SLC4A3: variants seen among roughly 807,000 people sequenced by gnomAD.
The protein encoded by SLC4A3 is solute carrier family 4 member 3, also known as anion exchange protein 3.
Under a neutral mutation model 114.2 loss-of-function variants are expected in SLC4A3, and 47 were observed. The observed-to-expected ratio is 0.41, with a 90% confidence interval of 0.33 to 0.52. SLC4A3 has a LOEUF of 0.52. Among genes scored for constraint, SLC4A3 ranks in the 20% least tolerant of loss-of-function variants. The pLI is 0.21. For missense variants in SLC4A3, 1,312 were observed against 1,668.3 expected, an observed-to-expected ratio of 0.79 and a Z score of 3.72; for synonymous variants, 693 against 710.3, an observed-to-expected ratio of 0.98 and a Z score of 0.39.
At chr2:219,629,959 G>A (rs1202893204) in intron 5 of SLC4A3, 194 bp from the exon 6 acceptor site, 1 of 1,050,374 alleles carries the variant, frequency 9.5e-7, no homozygotes, top group Non-Finnish European at 1.4e-6. Flanking sequence ...AGAGTAGAGA[G>A]GGTGAGGAGA....
chr2:219,628,303 T>C lies in SLC4A3; in HGVS notation c.52-102T>C, dbSNP rs953895541. ...GGAGCAAGGGGAGGGGGCCCGATGGTGTGAGAGCCTGCTGAGCTCCCCCAA... is the reference window on the plus strand; with the variant it reads ...GGAGCAAGGGGAGGGGGCCCGATGGCGTGAGAGCCTGCTGAGCTCCCCCAA... On this transcript the variant is annotated intron_variant, in intron 2 of 22. Transcript: ENST00000358055. This position sits in a 1 kb window ranked among gnomAD's most constrained non-coding sequence, Gnocchi z 4.8. 16 of 1,251,150 alleles carry C rather than the reference T, an allele frequency of 1.3e-5. No individual in the cohort carries two copies. Among genetic ancestry groups the C allele is most frequent in the Admixed American group, 5.7e-5 (2 of 35,328 alleles). 77.5% of individuals were successfully genotyped at this position (1,251,150 alleles called of 1,614,324 possible).
rs61729101 is a variant in SLC4A3 at position 219,637,644 on chromosome 2, G to C, written c.2599G>C (p.Asp867His). 0.014 allele frequency: 22,380 copies of C among 1,613,182 alleles called. 212 individuals carry two copies. Among genetic ancestry groups the C allele is most frequent in the Non-Finnish European group, 0.017 (19,671 of 1,179,260 alleles). Residue 867 changes from aspartate to histidine, a missense_variant, in exon 17 of 23, where the codon GAT becomes CAT. This residue lies in a region of SLC4A3 where 771 missense variants were observed against 977.7 expected (regional missense o/e 0.79). Coordinates refer to ENST00000358055, the MANE Select transcript of SLC4A3 (RefSeq NM_005070.4). This position sits in a 1 kb window ranked among gnomAD's most constrained non-coding sequence, Gnocchi z 4.6. ...PPEGALEGSL[D>H]AGLEPNGSAL... Reference sequence around the variant, plus strand: ...TGAGGGGGCCCTGGAGGGGTCCCTGGATGCTGGTCTGGAGCCAAATGGCAG... The same window carrying C: ...TGAGGGGGCCCTGGAGGGGTCCCTGCATGCTGGTCTGGAGCCAAATGGCAG...
chr2:219,637,837 C>A lies in SLC4A3; in HGVS notation c.2766+26C>A. On this transcript the variant is annotated intron_variant, in intron 17 of 22. Coordinates refer to ENST00000358055, the MANE Select transcript of SLC4A3 (RefSeq NM_005070.4). This position sits in a 1 kb window ranked among gnomAD's most constrained non-coding sequence, Gnocchi z 4.6. ...GTGCGTGGCTGCTGGGTGTGGAGCC[C>A]CCAAGAGTCCCACAATTCCTGCTGT... 2 of 1,527,884 alleles carry A rather than the reference C, an allele frequency of 1.3e-6. No individual in the cohort carries two copies. The highest frequency in any genetic ancestry group is 1.1e-5 in the South Asian group (1 of 89,338). The allele number at this position is 1,527,884 out of a possible 1,614,324, so 94.6% of individuals were successfully genotyped here. A position where few individuals can be genotyped will look rare whatever the true frequency, so the allele number is the denominator to read the frequency against.
rs1430102200 is a variant in SLC4A3 at position 219,637,202 on chromosome 2, G to A, written c.2535+328G>A. 2.7e-4 allele frequency among the ~76,000 whole-genome samples: 41 copies of A among 151,628 alleles called. No homozygotes were observed. The highest frequency in any genetic ancestry group is 2.7e-3 in the Admixed American group (41 of 15,214). On this transcript the variant is annotated intron_variant, in intron 16 of 22. Coordinates refer to ENST00000358055, the MANE Select transcript of SLC4A3 (RefSeq NM_005070.4). This position sits in a 1 kb window ranked among gnomAD's most constrained non-coding sequence, Gnocchi z 4.6. Reference sequence around the variant, plus strand: ...TCACCTTTTGTAGAGGAGTGTGTGTGTGTGTGTGGGTGTGGGTGTGGTGTG... The same window carrying A: ...TCACCTTTTGTAGAGGAGTGTGTGTATGTGTGTGGGTGTGGGTGTGGTGTG...
In SLC4A3 at chr2:219,630,377, C is replaced by T; in HGVS notation, c.811+25C>T. On this transcript the variant is annotated intron_variant, in intron 6 of 22. Transcript: ENST00000358055. This position sits in a 1 kb window ranked among gnomAD's most constrained non-coding sequence, Gnocchi z 6.9. The stretch of plus-strand genomic sequence containing the variant: ...AGTGAGTGAGACCTTGTGGCAGCCC[C>T]CATGGTCCACTGCGACGGACTCCCA... 6.3e-7 allele frequency: 1 copy of T among 1,576,370 alleles called. No individual in the cohort carries two copies. Among genetic ancestry groups the T allele is most frequent in the Non-Finnish European group, 8.6e-7 (1 of 1,161,368 alleles).
intron 20 of SLC4A3, among the ~76,000 whole-genome samples, chr2:219,640,225 G>GCCCCCCCCC (rs5838745): frequency 9.2e-6 from 1 of 108,264 alleles, no homozygotes; most frequent in Non-Finnish European, 1.9e-5. Flanking sequence ...CAATGTGTCT[G>GCCCCCCCCC]CCCCCCCCCC....
intron 8 of SLC4A3, 61 bp downstream of exon 8, chr2:219,632,503 C>A: frequency 6.7e-7 from 1 of 1,485,186 alleles, no homozygotes; most frequent in South Asian, 1.4e-5. Context: ...CCAGGCTGCT[C>A]AGTTCCCAGG....
Position 219,638,209 on chromosome 2 carries a change from G to A in SLC4A3, c.2812G>A (p.Val938Met), listed in dbSNP as rs1254959771. ...GDFGIPISIL[V>M]MVLVDYSITD... ...CTTTGGCATCCCCATCTCCATCCTG[G>A]TGATGGTCCTGGTGGATTACTCCAT... Residue 938 changes from valine (V) to methionine (M), a missense_variant, in exon 18 of 23, where the codon GTG becomes ATG. This residue lies in a region of SLC4A3 where 301 missense variants were observed against 460.7 expected (regional missense o/e 0.65). Transcript: ENST00000358055. This position sits in a 1 kb window ranked among gnomAD's most constrained non-coding sequence, Gnocchi z 7.5. 6.2e-7 allele frequency: 1 copy of A among 1,612,984 alleles called. No individual in the cohort carries two copies. Among genetic ancestry groups the A allele is most frequent in the Non-Finnish European group, 8.5e-7 (1 of 1,179,484 alleles).
chr2:219,639,364 AG>A lies in SLC4A3; in HGVS notation c.3024-115del. On this transcript the variant is annotated intron_variant, in intron 19 of 22. Transcript: ENST00000358055. This position sits in a 1 kb window ranked among gnomAD's most constrained non-coding sequence, Gnocchi z 5.9. Reference sequence around the variant, plus strand: ...CTTGAAAGAAGAAGCTGGCAGTCCTAGGGAGAACTGTTGTCTGCACGTCCTC... The same window carrying A: ...CTTGAAAGAAGAAGCTGGCAGTCCTAGGAGAACTGTTGTCTGCACGTCCTC... The A allele has an allele frequency of 8.1e-7, 1 of 1,232,956 alleles. No homozygotes were observed. The highest frequency in any genetic ancestry group is 1.1e-6 in the Non-Finnish European group (1 of 875,274). The allele number at this position is 1,232,956 out of a possible 1,614,324, so 76.4% of individuals were successfully genotyped here. A position where few individuals can be genotyped will look rare whatever the true frequency, so the allele number is the denominator to read the frequency against.
chr2:219,635,391 C>A lies in SLC4A3; in HGVS notation c.1867C>A (p.Arg623Ser), dbSNP rs150706978. ...PSEVEGRDLL[R>S]SVAAFQRELL... is the part of the protein sequence containing the mutation. ...CGAGGTGGAGGGCCGTGACCTGCTG[C>A]GCTCCGTGGCTGCTTTCCAGCGAGA... Residue 623 changes from arginine to serine, a missense_variant, in exon 13 of 23, where the codon CGC becomes AGC. Coordinates refer to ENST00000358055, the MANE Select transcript of SLC4A3 (RefSeq NM_005070.4). 17 of 1,614,046 alleles carry A rather than the reference C, an allele frequency of 1.1e-5. No homozygotes were observed. Among genetic ancestry groups the A allele is most frequent in the Non-Finnish European group, 1.4e-5 (16 of 1,180,034 alleles).
chr2:219,634,703 A>T, intron 12 of SLC4A3, 99 bp downstream of exon 12: 1 of 1,319,678 alleles, frequency 7.6e-7, no homozygotes, highest in Non-Finnish European at 1.0e-6. Flanking sequence ...AGGGTGCTAG[A>T]GGCCCCTGGG....
At position 219,633,463 on chromosome 2, in the gene SLC4A3, T is replaced by C. The variant is rs1302593211; in HGVS notation, c.1461+6T>C. 2.0e-6 allele frequency: 3 copies of C among 1,523,436 alleles called. No individual in the cohort carries two copies. In the African/African-American group the frequency reaches 4.2e-5, roughly 21 times the overall value. The allele number at this position is 1,523,436 out of a possible 1,614,324, so 94.4% of individuals were successfully genotyped here. On this transcript the variant is annotated splice_donor_region_variant and intron_variant, in intron 10 of 22. Transcript: ENST00000358055. Reference sequence around the variant, plus strand: ...ATGACCCTGACGCCAAGGAGGTCAGTGCCCTTGCTTTGGCTTGGGCCAGGG... The same window carrying C: ...ATGACCCTGACGCCAAGGAGGTCAGCGCCCTTGCTTTGGCTTGGGCCAGGG...
At chr2:219,632,201 C>T in intron 7 of SLC4A3, 61 bp from the exon 8 acceptor site, 3 of 1,610,712 alleles carry the variant, frequency 1.9e-6, no homozygotes, top group Non-Finnish European at 2.5e-6. Context: ...CTGCCTTGCC[C>T]CATCACGGTG....
chr2:219,629,080 C>T (rs1698822258), intron 3 of SLC4A3, 64 bp from the exon 4 acceptor site: 2 of 1,505,070 alleles, frequency 1.3e-6, no homozygotes, highest in Admixed American at 2.2e-5. Context: ...AGGTGTGTGC[C>T]CTCGGGTGGG....
Position 219,636,089 on chromosome 2 carries a change from G to T in SLC4A3, c.2191+198G>T, listed in dbSNP as rs1367286425. On this transcript the variant is annotated intron_variant, in intron 14 of 22. Coordinates refer to ENST00000358055, the MANE Select transcript of SLC4A3 (RefSeq NM_005070.4). This position sits in a 1 kb window ranked among gnomAD's most constrained non-coding sequence, Gnocchi z 5.5. Reference sequence around the variant, plus strand: ...ACCTTTGGGGAGCTATAAAGTGAGGGTGTGGGAGAGGTGTAAGGGATGAGG... The same window carrying T: ...ACCTTTGGGGAGCTATAAAGTGAGGTTGTGGGAGAGGTGTAAGGGATGAGG... Among the ~76,000 whole-genome samples, 1 of 152,198 alleles carries T rather than the reference G, an allele frequency of 6.6e-6. No individual in the cohort carries two copies. Among genetic ancestry groups the T allele is most frequent in the Non-Finnish European group, 1.5e-5 (1 of 68,028 alleles).
rs773739506 is a variant in SLC4A3 at position 219,635,769 on chromosome 2, G to A, written c.2069G>A (p.Arg690Lys). 39 of 1,595,354 alleles carry A rather than the reference G, an allele frequency of 2.4e-5. No individual in the cohort carries two copies. The highest frequency in any genetic ancestry group is 3.3e-5 in the Non-Finnish European group (39 of 1,173,220). Residue 690 changes from arginine to lysine, a missense_variant, in exon 14 of 23, where the codon AGG becomes AAG. Physicochemically the swap from Arg to Lys is conservative, Grantham distance 26. Coordinates refer to ENST00000358055, the MANE Select transcript of SLC4A3 (RefSeq NM_005070.4). ...TTTGGGGGGCTTGTGCGGGATGTGA[G>A]GCGCCGGTACCCGCACTACCCCAGT... is the stretch of plus-strand genomic sequence containing the variant. ...SVFGGLVRDV[R>K]RRYPHYPSDL...
In SLC4A3 at chr2:219,630,674, G is replaced by A. The variant is rs1157771419; in HGVS notation, c.811+322G>A. 6.6e-6 allele frequency among the ~76,000 whole-genome samples: 1 copy of A among 152,126 alleles called. No homozygotes were observed. Among genetic ancestry groups the A allele is most frequent in the African/African-American group, 2.4e-5 (1 of 41,408 alleles). ...CCCCTCTTCTCGGGGTGAACTCTCTGTCTCCTCTTTGATCCCCTCCAAACC... is the reference window on the plus strand; with the variant it reads ...CCCCTCTTCTCGGGGTGAACTCTCTATCTCCTCTTTGATCCCCTCCAAACC... On this transcript the variant is annotated intron_variant, in intron 6 of 22. Coordinates refer to ENST00000358055, the MANE Select transcript of SLC4A3 (RefSeq NM_005070.4). This position sits in a 1 kb window ranked among gnomAD's most constrained non-coding sequence, Gnocchi z 6.9.
Position 219,633,877 on chromosome 2 carries a change from C to A in SLC4A3, c.1462-3C>A. 6.4e-7 allele frequency: 1 copy of A among 1,555,384 alleles called. No homozygotes were observed. Among genetic ancestry groups the A allele is most frequent in the East Asian group, 2.4e-5 (1 of 41,434 alleles). ...CAGCCCTATTCCAGTTCTGCGTCCT[C>A]AGAAGCCCCTCCACATGCCTGGGGG... On this transcript the variant is annotated splice_region_variant and splice_polypyrimidine_tract_variant and intron_variant, in intron 10 of 22. Coordinates refer to ENST00000358055, the MANE Select transcript of SLC4A3 (RefSeq NM_005070.4).
At position 219,633,304 on chromosome 2, in the gene SLC4A3, C is replaced by G; in HGVS notation, c.1308C>G (p.Phe436Leu). Reference sequence around the variant, plus strand: ...CCAACGATGACAAGGACAGTGGCTTCTTTCCCCGAAACCCATCGAGCTCCA... The same window carrying G: ...CCAACGATGACAAGGACAGTGGCTTGTTTCCCCGAAACCCATCGAGCTCCA... ...SHPNDDKDSG[F>L]FPRNPSSSSM... Residue 436 changes from phenylalanine to leucine, a missense_variant, in exon 10 of 23, where the codon TTC becomes TTG. This residue lies in a region of SLC4A3 where 771 missense variants were observed against 977.7 expected (regional missense o/e 0.79). Coordinates refer to ENST00000358055, the MANE Select transcript of SLC4A3 (RefSeq NM_005070.4). The G allele has an allele frequency of 1.3e-6, 2 of 1,584,062 alleles. No individual in the cohort carries two copies. Among genetic ancestry groups the G allele is most frequent in the Non-Finnish European group, 1.7e-6 (2 of 1,163,872 alleles).
Sources: allele counts gnomAD v4.1 joint callset (sites outside exome capture counted in the v4.1 genomes callset), GRCh38; gene constraint gnomAD v4.1.1; regional missense constraint gnomAD v4.1.1; non-coding constraint Gnocchi (gnomAD v3.1); transcripts MANE v1.5; gene names NCBI Gene and HGNC (gene_info 2026-07-23, HGNC 2026-07-21).